TSSK6: variants seen among roughly 807,000 people sequenced by gnomAD.
TSSK6 encodes testis-specific serine/threonine-protein kinase 6.
TSSK6 carries 9 observed loss-of-function variants against 8.5 expected under a neutral mutation model. That is an observed-to-expected ratio of 1.06 (90% CI 0.64 to 1.85). The LOEUF (loss-of-function observed/expected upper bound fraction) is 1.85. Ranked by LOEUF, TSSK6 falls within the 40% of genes most tolerant of loss-of-function variation. TSSK6 has a pLI of 0.00. For missense variants in TSSK6, 311 were observed against 391.5 expected (o/e 0.79, Z 1.73); for synonymous variants, 202 against 182.4 (o/e 1.11, Z -0.86).
Position 19,515,464 on chromosome 19 carries a change from TGCTGTCGGGGGGCGGCC to T in TSSK6, c.-54_-38del. Reference sequence around the variant, plus strand: ...GGGCGCACGGGGGGCAGGAGGCGGCTGCTGTCGGGGGGCGGCCGGACTCCAATCTCGGGTCTAAGCCA... The same window carrying T: ...GGGCGCACGGGGGGCAGGAGGCGGCTGGACTCCAATCTCGGGTCTAAGCCA... On this transcript the variant is annotated 5_prime_UTR_variant, in exon 1 of 1. It introduces an in-frame stop codon into an upstream open reading frame of the 5' UTR. Transcript: ENST00000585580. 1.3e-6 allele frequency: 2 copies of T among 1,551,504 alleles called. No individual in the cohort carries two copies. Among genetic ancestry groups the T allele is most frequent in the Non-Finnish European group, 1.8e-6 (2 of 1,142,356 alleles).
Position 19,514,856 on chromosome 19 carries a change from T to C in TSSK6, c.572A>G (p.Lys191Arg), listed in dbSNP as rs781477589. 5.0e-6 allele frequency: 8 copies of C among 1,600,048 alleles called. No individual in the cohort carries two copies. Among genetic ancestry groups the C allele is most frequent in the Non-Finnish European group, 6.8e-6 (8 of 1,178,566 alleles). ...EVLLGIPYDPKKYDVWSMGVV... is the reference protein window; with the variant it reads ...EVLLGIPYDPRKYDVWSMGVV... ...GCCCATGCTCCACACATCGTACTTCTTGGGGTCGTAGGGGATGCCCAGGAG... is the reference window on the plus strand; with the variant it reads ...GCCCATGCTCCACACATCGTACTTCCTGGGGTCGTAGGGGATGCCCAGGAG... The change falls in exon 1 of 1, where the codon AAG (lysine) becomes AGG (arginine). Residue 191 changes from lysine (K) to arginine (R), a missense_variant. Lys to Arg is a conservative substitution (Grantham distance 26). Transcript: ENST00000585580.
rs2061035100 is a variant in TSSK6 at position 19,514,418 on chromosome 19, A to G, written c.*188T>C. 1 of 617,346 alleles carries G rather than the reference A, an allele frequency of 1.6e-6. No individual in the cohort carries two copies. The highest frequency in any genetic ancestry group is 2.7e-6 in the Non-Finnish European group (1 of 364,572). The allele number at this position is 617,346 out of a possible 1,614,324, so 38.2% of individuals were successfully genotyped here. ...GCCTCCAGCTCCCGGGATCGCGGGG[A>G]ACGTGGATTCCGAACAAGGGCAACT... On this transcript the variant is annotated 3_prime_UTR_variant, in exon 1 of 1. Transcript: ENST00000585580.
chr19:19,515,086 G>T lies in TSSK6; in HGVS notation c.342C>A (p.Asp114Glu). 6.2e-7 allele frequency: 1 copy of T among 1,606,268 alleles called. No individual in the cohort carries two copies. Among genetic ancestry groups the T allele is most frequent in the Non-Finnish European group, 8.5e-7 (1 of 1,177,478 alleles). The change falls in exon 1 of 1, where the codon GAC becomes GAA. Residue 114 changes from aspartate to glutamate, a missense_variant. Transcript: ENST00000585580. The part of the protein sequence containing the change: ...NGRIPGVQAR[D>E]LFAQIAGAVR... Reference sequence around the variant, plus strand: ...CGGCGCCGGCGATCTGCGCAAAGAGGTCGCGCGCCTGAACTCCGGGGATGC... The same window carrying T: ...CGGCGCCGGCGATCTGCGCAAAGAGTTCGCGCGCCTGAACTCCGGGGATGC...
Position 19,514,426 on chromosome 19 carries a change from T to G in TSSK6, c.*180A>C. The stretch of plus-strand genomic sequence containing the variant: ...CTCCCGGGATCGCGGGGAACGTGGA[T>G]TCCGAACAAGGGCAACTGCGGACTC... On this transcript the variant is annotated 3_prime_UTR_variant, in exon 1 of 1. Transcript: ENST00000585580. 1.5e-6 allele frequency: 1 copy of G among 647,982 alleles called. No individual in the cohort carries two copies. The highest frequency in any genetic ancestry group is 2.1e-5 in the South Asian group (1 of 46,596). The allele number at this position is 647,982 out of a possible 1,614,324, so 40.1% of individuals were successfully genotyped here. A position where few individuals can be genotyped will look rare whatever the true frequency, so the allele number is the denominator to read the frequency against.
Position 19,514,403 on chromosome 19 carries a change from C to A in TSSK6, c.*203G>T. On this transcript the variant is annotated 3_prime_UTR_variant, in exon 1 of 1. Transcript: ENST00000585580. ...CGCGGATGCGCATGCGCCTCCAGCT[C>A]CCGGGATCGCGGGGAACGTGGATTC... The A allele has an allele frequency of 1.7e-6, 1 of 604,204 alleles. No homozygotes were observed. Among genetic ancestry groups the A allele is most frequent in the Non-Finnish European group, 2.8e-6 (1 of 350,910 alleles). The allele number at this position is 604,204 out of a possible 1,614,324, so 37.4% of individuals were successfully genotyped here. A position where few individuals can be genotyped will look rare whatever the true frequency, so the allele number is the denominator to read the frequency against.
Position 19,515,405 on chromosome 19 carries a change from C to T in TSSK6, c.23G>A (p.Ser8Asn). 5 of 1,598,154 alleles carry T rather than the reference C, an allele frequency of 3.1e-6. No individual in the cohort carries two copies. Among genetic ancestry groups the T allele is most frequent in the Non-Finnish European group, 4.3e-6 (5 of 1,167,432 alleles). MSGDKLLSELGYKLGRTI... is the reference protein window; with the variant it reads MSGDKLLNELGYKLGRTI... ...GCGGCCCAGCTTATAACCGAGTTCG[C>T]TCAGAAGTTTGTCTCCCGACATGGT... Residue 8 changes from serine (S) to asparagine (N), a missense_variant, in exon 1 of 1, where the codon AGC (serine) becomes AAC (asparagine). By Grantham distance (46) the Ser-to-Asn change is conservative. Transcript: ENST00000585580.
In TSSK6 at chr19:19,514,831, G is replaced by T. The variant is rs1231482205; in HGVS notation, c.597C>A (p.Gly199=). 1 of 1,599,376 alleles carries T rather than the reference G, an allele frequency of 6.3e-7. No homozygotes were observed. The highest frequency in any genetic ancestry group is 8.5e-7 in the Non-Finnish European group (1 of 1,178,088). The change falls in exon 1 of 1, where the codon GGC becomes GGA. Residue 199 remains glycine, a synonymous_variant. Coordinates refer to ENST00000585580, the MANE Select transcript of TSSK6 (RefSeq NM_032037.4). ...DPKKYDVWSM[G]VVLYVMVTGC... is the part of the protein sequence containing the mutation. Reference sequence around the variant, plus strand: ...CGGTGACCATGACGTAGAGCACGACGCCCATGCTCCACACATCGTACTTCT... The same window carrying T: ...CGGTGACCATGACGTAGAGCACGACTCCCATGCTCCACACATCGTACTTCT...
In TSSK6 at chr19:19,515,334, T is replaced by G; in HGVS notation, c.94A>C (p.Lys32Gln). 1 of 1,614,094 alleles carries G rather than the reference T, an allele frequency of 6.2e-7. No homozygotes were observed. Among genetic ancestry groups the G allele is most frequent in the Non-Finnish European group, 8.5e-7 (1 of 1,179,914 alleles). Residue 32 changes from lysine to glutamine, a missense_variant, in exon 1 of 1, where the codon AAG becomes CAG. Physicochemically the swap from Lys to Gln is moderately conservative, Grantham distance 53. Transcript: ENST00000585580. ...ATGGCCACGGTACCCTTGTACTTCT[T>G]GGATGTGGCCACCTTCACCTTGGAG... ...SYSKVKVATS[K>Q]KYKGTVAIKV...
chr19:19,514,670 G>T lies in TSSK6; in HGVS notation c.758C>A (p.Ser253Tyr). The T allele has an allele frequency of 6.3e-7, 1 of 1,599,524 alleles. No homozygotes were observed. Among genetic ancestry groups the T allele is most frequent in the Non-Finnish European group, 8.5e-7 (1 of 1,178,828 alleles). ...LIAELLQFSP[S>Y]ARPSAGQVAR... ...TACCTGGCCCGCGGAGGGCCTGGCG[G>T]ACGGGCTGAACTGCAGCAGCTCGGC... The change falls in exon 1 of 1, where the codon TCC (serine) becomes TAC (tyrosine). Residue 253 changes from serine to tyrosine, a missense_variant. Coordinates refer to ENST00000585580, the MANE Select transcript of TSSK6 (RefSeq NM_032037.4).
In TSSK6 at chr19:19,514,857, T is replaced by G; in HGVS notation, c.571A>C (p.Lys191Gln). ...EVLLGIPYDPKKYDVWSMGVV... is the reference protein window; with the variant it reads ...EVLLGIPYDPQKYDVWSMGVV... ...CCCATGCTCCACACATCGTACTTCT[T>G]GGGGTCGTAGGGGATGCCCAGGAGC... Residue 191 changes from lysine to glutamine, a missense_variant, in exon 1 of 1, where the codon AAG (lysine) becomes CAG (glutamine). By Grantham distance (53) the Lys-to-Gln change is moderately conservative. Coordinates refer to ENST00000585580, the MANE Select transcript of TSSK6 (RefSeq NM_032037.4). The G allele has an allele frequency of 6.2e-7, 1 of 1,600,066 alleles. No individual in the cohort carries two copies. The highest frequency in any genetic ancestry group is 8.5e-7 in the Non-Finnish European group (1 of 1,178,512).
Position 19,514,786 on chromosome 19 carries a change from G to C in TSSK6, c.642C>G (p.Asp214Glu), listed in dbSNP as rs1471303482. The C allele has an allele frequency of 6.2e-7, 1 of 1,601,998 alleles. No homozygotes were observed. ...VMVTGCMPFD[D>E]SDIAGLPRRQ... is the part of the protein sequence containing the mutation. ...GCCGGGGCAGGCCGGCGATGTCCGAGTCGTCGAAGGGCATGCACCCGGTGA... is the reference window on the plus strand; with the variant it reads ...GCCGGGGCAGGCCGGCGATGTCCGACTCGTCGAAGGGCATGCACCCGGTGA... The change falls in exon 1 of 1, where the codon GAC (aspartate) becomes GAG (glutamate). Residue 214 changes from aspartate to glutamate, a missense_variant. Coordinates refer to ENST00000585580, the MANE Select transcript of TSSK6 (RefSeq NM_032037.4).
In TSSK6 at chr19:19,515,260, G is replaced by A. The variant is rs765387793; in HGVS notation, c.168C>T (p.Phe56=). The change falls in exon 1 of 1, where the codon TTC becomes TTT. Residue 56 remains phenylalanine (F), a synonymous_variant. Coordinates refer to ENST00000585580, the MANE Select transcript of TSSK6 (RefSeq NM_032037.4). ...RRAPPDFVNK[F]LPRELSILRG... ...GCAGGATGGACAGCTCTCGCGGCAG[G>A]AACTTGTTGACGAAGTCCGGGGGCG... is the stretch of plus-strand genomic sequence containing the variant. The A allele has an allele frequency of 6.2e-7, 1 of 1,613,558 alleles. No homozygotes were observed. The highest frequency in any genetic ancestry group is 8.5e-7 in the Non-Finnish European group (1 of 1,179,978).
rs984733137 is a variant in TSSK6 at position 19,515,295 on chromosome 19, G to C, written c.133C>G (p.Arg45Gly). 11 of 1,613,950 alleles carry C rather than the reference G, an allele frequency of 6.8e-6. No homozygotes were observed. Among genetic ancestry groups the C allele is most frequent in the African/African-American group, 1.3e-5 (1 of 74,938 alleles). ...KGTVAIKVVD[R>G]RRAPPDFVNK... Reference sequence around the variant, plus strand: ...ACGAAGTCCGGGGGCGCTCGCCGCCGGTCCACCACCTTGATGGCCACGGTA... The same window carrying C: ...ACGAAGTCCGGGGGCGCTCGCCGCCCGTCCACCACCTTGATGGCCACGGTA... Residue 45 changes from arginine to glycine, a missense_variant, in exon 1 of 1, where the codon CGG (arginine) becomes GGG (glycine). Transcript: ENST00000585580.
In TSSK6 at chr19:19,514,378, C is replaced by G. The variant is rs1281186116; in HGVS notation, c.*228G>C. 1 of 571,560 alleles carries G rather than the reference C, an allele frequency of 1.7e-6. No individual in the cohort carries two copies. Among genetic ancestry groups the G allele is most frequent in the Non-Finnish European group, 3.1e-6 (1 of 324,356 alleles). 35.4% of individuals were successfully genotyped at this position (571,560 alleles called of 1,614,324 possible). A position where few individuals can be genotyped will look rare whatever the true frequency, so the allele number is the denominator to read the frequency against. The stretch of plus-strand genomic sequence containing the variant: ...CTCTCGGGGCCTGGTCGCAGGGAAT[C>G]GCGGATGCGCATGCGCCTCCAGCTC... On this transcript the variant is annotated 3_prime_UTR_variant, in exon 1 of 1. Coordinates refer to ENST00000585580, the MANE Select transcript of TSSK6 (RefSeq NM_032037.4).
chr19:19,515,358 A>G lies in TSSK6; in HGVS notation c.70T>C (p.Ser24Pro), dbSNP rs765592610. ...TTGGATGTGGCCACCTTCACCTTGG[A>G]GTAGCTGCCCTCTCCAATTGTGCGG... ...LGRTIGEGSY[S>P]KVKVATSKKY... Residue 24 changes from serine (S) to proline (P), a missense_variant, in exon 1 of 1, where the codon TCC becomes CCC. Coordinates refer to ENST00000585580, the MANE Select transcript of TSSK6 (RefSeq NM_032037.4). 1 of 1,613,666 alleles carries G rather than the reference A, an allele frequency of 6.2e-7. No homozygotes were observed.
chr19:19,514,903 G>T lies in TSSK6; in HGVS notation c.525C>A (p.Ala175=). 1 of 1,602,672 alleles carries T rather than the reference G, an allele frequency of 6.2e-7. No individual in the cohort carries two copies. The highest frequency in any genetic ancestry group is 1.7e-5 in the Admixed American group (1 of 59,874). Residue 175 remains alanine, a synonymous_variant, in exon 1 of 1, where the codon GCC becomes GCA. Transcript: ENST00000585580. The part of the protein sequence containing the change: ...PDLSTTYCGS[A]AYASPEVLLG... Reference sequence around the variant, plus strand: ...GGAGCACCTCGGGTGACGCGTAGGCGGCTGAGCCGCAGTAGGTGGTGCTCA... The same window carrying T: ...GGAGCACCTCGGGTGACGCGTAGGCTGCTGAGCCGCAGTAGGTGGTGCTCA...
Position 19,514,545 on chromosome 19 carries a change from G to T in TSSK6, c.*61C>A. On this transcript the variant is annotated 3_prime_UTR_variant, in exon 1 of 1. Coordinates refer to ENST00000585580, the MANE Select transcript of TSSK6 (RefSeq NM_032037.4). ...CATATTCCCTCGAAGCGCGCCTCTT[G>T]CGCGTGCGCCGCCCTGGCCCAGTGC... 7.1e-7 allele frequency: 1 copy of T among 1,404,156 alleles called. No homozygotes were observed. The highest frequency in any genetic ancestry group is 9.4e-7 in the Non-Finnish European group (1 of 1,064,344). The allele number at this position is 1,404,156 out of a possible 1,614,324, so 87.0% of individuals were successfully genotyped here.
Position 19,515,001 on chromosome 19 carries a change from G to C in TSSK6, c.427C>G (p.Leu143Val), listed in dbSNP as rs757750727. Reference protein sequence around the residue: ...HRDLKCENVLLSPDERRVKLT... With the variant: ...HRDLKCENVLVSPDERRVKLT... ...TTGACGCGGCGCTCGTCCGGGCTCA[G>C]CAGCACGTTTTCGCACTTGAGGTCG... The change falls in exon 1 of 1, where the codon CTG becomes GTG. Residue 143 changes from leucine to valine, a missense_variant. Physicochemically the swap from Leu to Val is conservative, Grantham distance 32. Coordinates refer to ENST00000585580, the MANE Select transcript of TSSK6 (RefSeq NM_032037.4). 2 of 1,610,866 alleles carry C rather than the reference G, an allele frequency of 1.2e-6. No individual in the cohort carries two copies. The highest frequency in any genetic ancestry group is 2.2e-5 in the South Asian group (2 of 90,822).
Position 19,515,505 on chromosome 19 carries a change from C to T in TSSK6, c.-78G>A. 1 of 1,394,106 alleles carries T rather than the reference C, an allele frequency of 7.2e-7. No homozygotes were observed. The highest frequency in any genetic ancestry group is 9.8e-7 in the Non-Finnish European group (1 of 1,015,498). The allele number at this position is 1,394,106 out of a possible 1,614,324, so 86.4% of individuals were successfully genotyped here. A position where few individuals can be genotyped will look rare whatever the true frequency, so the allele number is the denominator to read the frequency against. ...CCGGACTCCAATCTCGGGTCTAAGC[C>T]ATGGCGCTTGGCACCTACACCCCCG... On this transcript the variant is annotated 5_prime_UTR_variant, in exon 1 of 1. An upstream start codon of the reference 5' UTR is lost. Coordinates refer to ENST00000585580, the MANE Select transcript of TSSK6 (RefSeq NM_032037.4).
Sources: allele counts gnomAD v4.1 joint callset, GRCh38; gene constraint gnomAD v4.1.1; transcripts MANE v1.5; gene names NCBI Gene and HGNC (gene_info 2026-07-23, HGNC 2026-07-21).